Variants in TCERG1 observed in about 807,000 individuals in gnomAD.
TCERG1 encodes transcription elongation regulator 1.
TCERG1 carries 37 observed loss-of-function variants against 144.7 expected under a neutral mutation model. That is an observed-to-expected ratio of 0.26 (90% CI 0.20 to 0.34). The LOEUF is 0.34. Among genes scored for constraint, TCERG1 ranks in the 10% least tolerant of loss-of-function variants. The pLI is 1.00. For synonymous variants in TCERG1, 492 were observed against 458.2 expected (o/e 1.07, Z -0.94); for missense variants, 1,027 against 1,380.7 (o/e 0.74, Z 4.06).
At chr5:146,500,657 C>T (rs1397832708) in intron 17 of TCERG1, among the ~76,000 whole-genome samples, 1 of 152,190 alleles carries the variant, frequency 6.6e-6, no homozygotes, top group Non-Finnish European at 1.5e-5. Flanking sequence ...AAGTCATTCT[C>T]ACAGTAAGAG....
At chr5:146,475,164 T>C (rs1294509327) in intron 9 of TCERG1, among the ~76,000 whole-genome samples, 1 of 152,248 alleles carries the variant, frequency 6.6e-6, no homozygotes, top group Non-Finnish European at 1.5e-5. Flanking sequence ...GTTTTTGTTA[T>C]TGAAGAAATA....
intron 17 of TCERG1, among the ~76,000 whole-genome samples, chr5:146,501,433 G>A (rs902054676): frequency 3.3e-5 from 5 of 152,168 alleles, no homozygotes; most frequent in African/African-American, 1.2e-4. Flanking sequence ...AAGTTCACTT[G>A]TTTATACATC....
intron 21 of TCERG1, among the ~76,000 whole-genome samples, 183 bp from the exon 22 acceptor site, chr5:146,508,962 G>A (rs565964306): frequency 1.3e-5 from 2 of 152,236 alleles, no homozygotes; most frequent in East Asian, 1.9e-4. Flanking sequence ...GCAAAAATGA[G>A]CCTTGCAAAT....
intron 6 of TCERG1, 128 bp downstream of exon 6, chr5:146,468,531 C>T: frequency 3.8e-6 from 3 of 791,316 alleles, no homozygotes; most frequent in Non-Finnish European, 5.9e-6. Flanking sequence ...TTTTAATGAG[C>T]AGTATAAATG....
intron 15 of TCERG1, among the ~76,000 whole-genome samples, chr5:146,484,568 A>G (rs547008965): frequency 2.0e-5 from 3 of 147,440 alleles, no homozygotes; most frequent in South Asian, 4.5e-4. Flanking sequence ...AAAATTTACA[A>G]TGTGCCAGAT....
At chr5:146,500,342 A>C (rs1767311306) in intron 17 of TCERG1, among the ~76,000 whole-genome samples, 2 of 151,798 alleles carry the variant, frequency 1.3e-5, no homozygotes, top group African/African-American at 4.8e-5. Context: ...GGGCTTTATC[A>C]TTTTTCTTTC....
At chr5:146,503,286 TTTTTTC>T in intron 17 of TCERG1, 83 bp from the exon 18 acceptor site, 1 of 1,316,012 alleles carries the variant, frequency 7.6e-7, no homozygotes. Flanking sequence ...TAGGTGAACT[TTTTTTC>T]TAGTTGTAAA....
chr5:146,483,489 T>C lies in TCERG1; in HGVS notation c.2074-51T>C, dbSNP rs770468716. 5.9e-6 allele frequency: 9 copies of C among 1,520,404 alleles called. No homozygotes were observed. In the South Asian group the frequency reaches 1.0e-4, roughly 18 times the overall value. The allele number at this position is 1,520,404 out of a possible 1,614,324, so 94.2% of individuals were successfully genotyped here. A position where few individuals can be genotyped will look rare whatever the true frequency, so the allele number is the denominator to read the frequency against. On this transcript the variant is annotated intron_variant, in intron 14 of 22. Coordinates refer to ENST00000679501, the MANE Select transcript of TCERG1 (RefSeq NM_001382548.1). ...AGATTTCAAGCAAAATTATGACCTT[T>C]ATATTTTTAGAGGAGACTTAATTAT...
At chr5:146,476,746 C>T (rs1764877923) in intron 9 of TCERG1, among the ~76,000 whole-genome samples, 1 of 152,136 alleles carries the variant, frequency 6.6e-6, no homozygotes, top group Non-Finnish European at 1.5e-5. Context: ...TCCGTCCCCA[C>T]CTCCTCTGTT....
intron 19 of TCERG1, among the ~76,000 whole-genome samples, chr5:146,505,018 C>G (rs773260064): frequency 3.4e-4 from 52 of 151,346 alleles, no homozygotes; most frequent in Non-Finnish European, 6.5e-4. Flanking sequence ...TGCACTCCAG[C>G]CTGGCGACAG....
chr5:146,485,748 C>T (rs1765762649), intron 15 of TCERG1, among the ~76,000 whole-genome samples: 1 of 152,126 alleles, frequency 6.6e-6, no homozygotes, highest in South Asian at 2.1e-4. Context: ...GACTGGAGTG[C>T]AGTGGCGCCA....
intron 1 of TCERG1, among the ~76,000 whole-genome samples, chr5:146,451,672 A>C (rs1225902823): frequency 2.0e-5 from 3 of 150,702 alleles, no homozygotes; most frequent in Non-Finnish European, 4.4e-5. Flanking sequence ...GGATTGTAGG[A>C]TCATTTGCAA....
chr5:146,472,336 T>C (rs962205891), intron 9 of TCERG1, among the ~76,000 whole-genome samples: 2 of 152,194 alleles, frequency 1.3e-5, no homozygotes, highest in African/African-American at 4.8e-5. Context: ...ACATGCCTCT[T>C]GGTTTCATTT....
At chr5:146,493,339 G>A (rs966634501) in intron 16 of TCERG1, among the ~76,000 whole-genome samples, 6 of 151,972 alleles carry the variant, frequency 3.9e-5, no homozygotes, top group Non-Finnish European at 7.4e-5. Flanking sequence ...TACATAATGA[G>A]TTGCAGAGGA....
chr5:146,505,114 A>G (rs1561706838), intron 19 of TCERG1, among the ~76,000 whole-genome samples: 5 of 151,774 alleles, frequency 3.3e-5, no homozygotes, highest in African/African-American at 1.2e-4. Context: ...AAGGACAAAA[A>G]CATCTCATAA....
chr5:146,510,600 A>T lies in TCERG1; in HGVS notation c.3306A>T (p.Pro1102=). 6.2e-7 allele frequency: 1 copy of T among 1,614,110 alleles called. No homozygotes were observed. Among genetic ancestry groups the T allele is most frequent in the Non-Finnish European group, 8.5e-7 (1 of 1,180,004 alleles). Residue 1102 remains proline, a synonymous_variant, in exon 23 of 23, where the codon CCA becomes CCT. Coordinates refer to ENST00000679501, the MANE Select transcript of TCERG1 (RefSeq NM_001382548.1). ...VDDLDRRGPP[P]PPTASEPTRR... Reference sequence around the variant, plus strand: ...ACCTGGATCGCCGGGGTCCACCCCCACCTCCCACAGCATCGGAGCCCACGA... The same window carrying T: ...ACCTGGATCGCCGGGGTCCACCCCCTCCTCCCACAGCATCGGAGCCCACGA...
At chr5:146,503,645 T>A in intron 18 of TCERG1, 106 bp downstream of exon 18, 2 of 1,435,172 alleles carry the variant, frequency 1.4e-6, no homozygotes, top group South Asian at 2.8e-5. Context: ...TTGGATTTTT[T>A]CTTGTTAGTA....
intron 17 of TCERG1, chr5:146,499,981 A>AT (rs1561699611): frequency 2.0e-5 from 3 of 152,032 alleles, no homozygotes; most frequent in Non-Finnish European, 4.4e-5. Context: ...GGTACTTTAC[A>AT]TTTTTTTAGT....
At chr5:146,449,731 G>A (rs1406736963) in intron 1 of TCERG1, among the ~76,000 whole-genome samples, 1 of 152,108 alleles carries the variant, frequency 6.6e-6, no homozygotes, top group African/African-American at 2.4e-5. Context: ...TTTCAGAAAG[G>A]TTGTAAGTGG....
Sources: gnomAD v4.1 joint callset for allele counts (sites outside exome capture counted in the v4.1 genomes callset) on GRCh38, gnomAD v4.1.1 for gene constraint, MANE v1.5 for transcripts, NCBI Gene and HGNC (gene_info 2026-07-23, HGNC 2026-07-21) for gene names.